Variants in NKAIN2 observed in about 807,000 individuals in gnomAD.
NKAIN2 encodes the protein sodium/potassium transporting ATPase interacting 2.
NKAIN2 carries 14 observed loss-of-function variants against 32.6 expected under a neutral mutation model. The ratio of observed to expected loss-of-function variants is 0.43; its 90% CI spans 0.28 to 0.67. The LOEUF (loss-of-function observed/expected upper bound fraction) is 0.67, where lower values mean the gene tolerates loss of function less well. NKAIN2 is among the 30% of genes least tolerant of loss of function. NKAIN2 has a pLI of 0.17. For synonymous variants in NKAIN2, 80 were observed against 87.2 expected, an observed-to-expected ratio of 0.92 and a Z score of 0.46; for missense variants, 198 against 258.3, an observed-to-expected ratio of 0.77 and a Z score of 1.60.
At chr6:123,883,553 C>T (rs1773558577) in intron 1 of NKAIN2, among the ~76,000 whole-genome samples, 2 of 151,840 alleles carry the variant, frequency 1.3e-5, no homozygotes, top group Non-Finnish European at 2.9e-5. Context: ...TTCCCCTTCA[C>T]CTTCTGCCAT....
At chr6:124,628,877 G>A (rs1455165206) in intron 3 of NKAIN2, among the ~76,000 whole-genome samples, 2 of 152,040 alleles carry the variant, frequency 1.3e-5, no homozygotes, top group Admixed American at 6.6e-5. Context: ...TAAAATAGCT[G>A]TACAAATATT....
At chr6:124,692,746 G>T (rs1207762220) in intron 4 of NKAIN2, among the ~76,000 whole-genome samples, 1 of 151,638 alleles carries the variant, frequency 6.6e-6, no homozygotes, top group Admixed American at 6.6e-5. Flanking sequence ...AACCTGGGAG[G>T]CGGAGGTTGC....
chr6:124,034,325 T>C lies in NKAIN2; in HGVS notation c.54+230071T>C, dbSNP rs114722739. On this transcript the variant is annotated intron_variant, in intron 1 of 6. Transcript: ENST00000368417. ...GAGTCCTCCATGTCTATTGTTTCCA[T>C]GTGCACCCATTGTTTAGCTTCCACT... is the stretch of plus-strand genomic sequence containing the variant. 6.1e-4 allele frequency among the ~76,000 whole-genome samples: 93 copies of C among 152,122 alleles called. 1 individual carries two copies. Among genetic ancestry groups the C allele is most frequent in the African/African-American group, 2.2e-3 (91 of 41,544 alleles).
chr6:124,256,004 T>G (rs150585132), intron 1 of NKAIN2, among the ~76,000 whole-genome samples: 2 of 152,128 alleles, frequency 1.3e-5, no homozygotes, highest in Non-Finnish European at 2.9e-5. Flanking sequence ...ACTGAACAAA[T>G]AGATATGGGA....
chr6:124,275,834 A>G (rs746623698), intron 1 of NKAIN2, among the ~76,000 whole-genome samples: 4 of 150,804 alleles, frequency 2.7e-5, no homozygotes, highest in Non-Finnish European at 5.9e-5. Context: ...AATAATTAAT[A>G]ATAGCATCCA....
intron 4 of NKAIN2, among the ~76,000 whole-genome samples, chr6:124,685,501 T>G (rs943646130): frequency 4.6e-5 from 7 of 152,182 alleles, no homozygotes; most frequent in Non-Finnish European, 7.4e-5. Flanking sequence ...TTTGGTATTT[T>G]TATGAGGATA....
chr6:123,892,787 A>T (rs1774084485), intron 1 of NKAIN2, among the ~76,000 whole-genome samples: 1 of 151,668 alleles, frequency 6.6e-6, no homozygotes, highest in Non-Finnish European at 1.5e-5. Flanking sequence ...GCATGTACAG[A>T]TGCTAGTCAG....
chr6:124,109,208 G>A (rs1785254639), intron 1 of NKAIN2, among the ~76,000 whole-genome samples: 1 of 151,862 alleles, frequency 6.6e-6, no homozygotes, highest in African/African-American at 2.4e-5. Flanking sequence ...TATTTGCTGT[G>A]TTTTTTAAAA....
intron 2 of NKAIN2, among the ~76,000 whole-genome samples, chr6:124,342,533 G>A (rs1426754064): frequency 6.6e-6 from 1 of 151,074 alleles, no homozygotes; most frequent in Non-Finnish European, 1.5e-5. Flanking sequence ...TTCAATACAG[G>A]GTCTTGCTCT....
At chr6:124,186,643 A>C (rs770274692) in intron 1 of NKAIN2, among the ~76,000 whole-genome samples, 5 of 152,176 alleles carry the variant, frequency 3.3e-5, no homozygotes, top group Non-Finnish European at 4.4e-5. Flanking sequence ...ATCAGATACC[A>C]ATATATGTGT....
rs1554222351 is a variant in NKAIN2 at position 123,911,795 on chromosome 6, A to ATATGTG, written c.54+107544_54+107545insGTGTAT. Among the ~76,000 whole-genome samples, 12 of 102,780 alleles carry ATATGTG rather than the reference A, an allele frequency of 1.2e-4. 1 individual carries two copies. The highest frequency in any genetic ancestry group is 5.0e-4 in the African/African-American group (11 of 21,864). The allele number at this position is 102,780 out of a possible 152,430, so 67.4% of individuals were successfully genotyped here. ...TATACATACATACATATATATATAT[A>ATATGTG]TATATGTATATATATATACACACAC... On this transcript the variant is annotated intron_variant, in intron 1 of 6. Transcript: ENST00000368417.
intron 3 of NKAIN2, among the ~76,000 whole-genome samples, chr6:124,478,111 T>C (rs920982576): frequency 1.2e-4 from 19 of 152,070 alleles, no homozygotes; most frequent in African/African-American, 4.3e-4. Context: ...CAATTTCCTC[T>C]CAAAATGGTT....
chr6:124,780,773 T>C (rs773619696), intron 4 of NKAIN2, among the ~76,000 whole-genome samples: 17 of 152,222 alleles, frequency 1.1e-4, no homozygotes, highest in Non-Finnish European at 2.2e-4. Context: ...TGAAGACAAT[T>C]AGTGACTCAC....
At chr6:123,874,908 C>CATACATACATACAT (rs1554218242) in intron 1 of NKAIN2, among the ~76,000 whole-genome samples, 1 of 134,764 alleles carries the variant, frequency 7.4e-6, no homozygotes, top group Non-Finnish European at 1.6e-5. Context: ...TACATACATA[C>CATACATACATACAT]ATATATATAT....
At chr6:124,369,898 T>TTTTTTTTTTTTTA (rs1554196328) in intron 3 of NKAIN2, among the ~76,000 whole-genome samples, 1 of 148,560 alleles carries the variant, frequency 6.7e-6, no homozygotes, top group Non-Finnish European at 1.5e-5. Context: ...TTTTTTTTTT[T>TTTTTTTTTTTTTA]AACCTGTGGA....
At chr6:124,654,225 T>C (rs1235009665) in intron 3 of NKAIN2, among the ~76,000 whole-genome samples, 3 of 152,106 alleles carry the variant, frequency 2.0e-5, no homozygotes, top group Non-Finnish European at 4.4e-5. Flanking sequence ...TACTATGAAA[T>C]GGAAAGAACC....
intron 3 of NKAIN2, among the ~76,000 whole-genome samples, chr6:124,542,147 A>C (rs1440107746): frequency 2.0e-5 from 3 of 152,100 alleles, no homozygotes; most frequent in Non-Finnish European, 4.4e-5. Context: ...ATGGGATGCT[A>C]TCAAAAATCT....
At chr6:124,172,113 C>T (rs1788924253) in intron 1 of NKAIN2, among the ~76,000 whole-genome samples, 1 of 152,036 alleles carries the variant, frequency 6.6e-6, no homozygotes, top group African/African-American at 2.4e-5. Context: ...TGCCCAGCCC[C>T]CAATTTTTTT....
intron 2 of NKAIN2, among the ~76,000 whole-genome samples, chr6:124,294,239 A>C (rs1228438360): frequency 6.6e-6 from 1 of 151,976 alleles, no homozygotes; most frequent in East Asian, 1.9e-4. Flanking sequence ...ACTTTATAAC[A>C]ATCTGCTCTA....
Sources: allele counts gnomAD v4.1 joint callset (sites outside exome capture counted in the v4.1 genomes callset), GRCh38; gene constraint gnomAD v4.1.1; transcripts MANE v1.5; gene names NCBI Gene and HGNC (gene_info 2026-07-23, HGNC 2026-07-21).